ZC3H12B: variants seen among roughly 807,000 people sequenced by gnomAD.
The protein encoded by ZC3H12B is probable ribonuclease ZC3H12B.
Under a neutral mutation model 43.9 loss-of-function variants are expected in ZC3H12B, and 7 were observed. The observed-to-expected ratio is 0.16, with a 90% CI of 0.09 to 0.30. ZC3H12B has a LOEUF of 0.30. Among genes scored for constraint, ZC3H12B ranks in the 10% least tolerant of loss-of-function variants. ZC3H12B has a pLI of 1.00. For missense variants in ZC3H12B, 475 were observed against 670.2 expected, an observed-to-expected ratio of 0.71 and a Z score of 3.22; for synonymous variants, 222 against 241.7, an observed-to-expected ratio of 0.92 and a Z score of 0.76.
At chrX:65,240,710 A>G in the ZC3H12B span, among the ~76,000 whole-genome samples, 2 of 111,949 alleles carry the variant, frequency 1.8e-5, no homozygotes, top group African/African-American at 3.2e-5. Flanking sequence ...AGGCTTATTT[A>G]TCTTCGGTTT....
the ZC3H12B span, among the ~76,000 whole-genome samples, chrX:65,238,178 C>G: frequency 8.9e-6 from 1 of 111,864 alleles, no homozygotes; most frequent in East Asian, 2.8e-4. Context: ...GTTGCCAGCT[C>G]TTCTTTGTAC....
At chrX:65,352,661 G>T in the ZC3H12B span, among the ~76,000 whole-genome samples, 1 of 110,628 alleles carries the variant, frequency 9.0e-6, no homozygotes, top group Non-Finnish European at 1.9e-5. Context: ...ATGTTTCCCA[G>T]ATGCTGCCTT....
chrX:65,465,780 A>G (rs1183677276), intron 3 of ZC3H12B, among the ~76,000 whole-genome samples: 1 of 110,400 alleles, frequency 9.1e-6, no homozygotes, highest in Non-Finnish European at 1.9e-5. Context: ...ATTTTCATAG[A>G]GATTATTCTG....
intron 3 of ZC3H12B, among the ~76,000 whole-genome samples, chrX:65,417,130 T>C (rs1180681263): frequency 8.9e-6 from 1 of 112,102 alleles, no homozygotes; most frequent in African/African-American, 3.2e-5. Context: ...CTAAAATGCA[T>C]ATTCTGTTCG....
chrX:65,086,490 G>A, the ZC3H12B span, among the ~76,000 whole-genome samples: 3 of 111,122 alleles, frequency 2.7e-5, no homozygotes, highest in East Asian at 5.7e-4. Flanking sequence ...TTTGTGCCCC[G>A]CCACCGAAAT....
At chrX:65,280,282 G>T in the ZC3H12B span, among the ~76,000 whole-genome samples, 7 of 112,333 alleles carry the variant, frequency 6.2e-5, no homozygotes, top group African/African-American at 2.3e-4. Context: ...CACAGCAATA[G>T]AATTATGAAC....
At chrX:65,427,595 C>A (rs1198240374) in intron 3 of ZC3H12B, among the ~76,000 whole-genome samples, 1 of 111,071 alleles carries the variant, frequency 9.0e-6, no homozygotes, top group Non-Finnish European at 1.9e-5. Flanking sequence ...TCCCAAAGTG[C>A]TGAGATTACA....
chrX:65,296,769 T>A, the ZC3H12B span, among the ~76,000 whole-genome samples: 1 of 111,277 alleles, frequency 9.0e-6, no homozygotes, highest in Non-Finnish European at 1.9e-5. Flanking sequence ...AAATACTAGC[T>A]AACTGAATCC....
At chrX:65,051,642 C>CA in the ZC3H12B span, among the ~76,000 whole-genome samples, 1 of 111,198 alleles carries the variant, frequency 9.0e-6, no homozygotes, top group Non-Finnish European at 1.9e-5. Context: ...ACAATAGGAA[C>CA]AAATTAAAAA....
At chrX:65,238,985 G>A in the ZC3H12B span, among the ~76,000 whole-genome samples, 1 of 111,826 alleles carries the variant, frequency 8.9e-6, no homozygotes, top group African/African-American at 3.2e-5. Flanking sequence ...TATTTGCTGA[G>A]GAGTGTTTTA....
chrX:65,347,651 G>C, the ZC3H12B span, among the ~76,000 whole-genome samples: 1 of 112,353 alleles, frequency 8.9e-6, no homozygotes, highest in African/African-American at 3.2e-5. Flanking sequence ...CTGTAAACTA[G>C]TTCAACCATT....
At chrX:65,419,536 G>A (rs1168457503) in intron 3 of ZC3H12B, among the ~76,000 whole-genome samples, 2 of 111,596 alleles carry the variant, frequency 1.8e-5, no homozygotes, top group African/African-American at 6.5e-5. Flanking sequence ...AGGGTAGGAA[G>A]GACAGTTTCA....
chrX:65,188,889 G>C, the ZC3H12B span, among the ~76,000 whole-genome samples: 1 of 105,222 alleles, frequency 9.5e-6, no homozygotes, highest in African/African-American at 3.5e-5. Context: ...CTGGTGCACT[G>C]CACCCACTAA....
At chrX:65,316,702 A>G in the ZC3H12B span, among the ~76,000 whole-genome samples, 1 of 112,244 alleles carries the variant, frequency 8.9e-6, no homozygotes, top group African/African-American at 3.2e-5. Context: ...ACACTTAATT[A>G]CATAGACCAT....
intron 3 of ZC3H12B, among the ~76,000 whole-genome samples, chrX:65,459,050 A>G (rs1027442324): frequency 8.9e-6 from 1 of 111,835 alleles, no homozygotes; most frequent in Admixed American, 9.5e-5. Flanking sequence ...CCACAGAAAT[A>G]CAAACTACCA....
chrX:65,269,397 A>G, the ZC3H12B span, among the ~76,000 whole-genome samples: 2 of 110,975 alleles, frequency 1.8e-5, no homozygotes, highest in East Asian at 5.6e-4. Flanking sequence ...AAAAATCACT[A>G]TTATCTCTAT....
At chrX:65,172,014 C>G in the ZC3H12B span, among the ~76,000 whole-genome samples, 3 of 112,635 alleles carry the variant, frequency 2.7e-5, no homozygotes, top group East Asian at 5.6e-4. Context: ...TCCCGCCCTG[C>G]TCTGTGGGCT....
chrX:65,234,105 G>A, the ZC3H12B span, among the ~76,000 whole-genome samples: 1 of 111,313 alleles, frequency 9.0e-6, no homozygotes, highest in Non-Finnish European at 1.9e-5. Flanking sequence ...TGATGAATAT[G>A]CATACAAAAA....
intron 3 of ZC3H12B, among the ~76,000 whole-genome samples, chrX:65,465,192 G>A (rs1461914830): frequency 9.0e-6 from 1 of 110,892 alleles, no homozygotes; most frequent in Admixed American, 9.7e-5. Flanking sequence ...ATTATTGAAA[G>A]AGAGTATTAA....
Sources: allele counts gnomAD v4.1 joint callset (sites outside exome capture counted in the v4.1 genomes callset), GRCh38; gene constraint gnomAD v4.1.1; transcripts MANE v1.5; gene names NCBI Gene and HGNC (gene_info 2026-07-23, HGNC 2026-07-21).